HHAT: variants seen among roughly 807,000 people sequenced by gnomAD.
HHAT encodes protein-cysteine N-palmitoyltransferase HHAT.
Under a neutral mutation model 70.8 loss-of-function variants are expected in HHAT, and 47 were observed. The ratio of observed to expected loss-of-function variants is 0.66; its 90% confidence interval spans 0.53 to 0.85. The LOEUF (loss-of-function observed/expected upper bound fraction) is 0.85, where lower values mean the gene tolerates loss of function less well. Ranked by LOEUF, HHAT falls within the 40% of genes least tolerant of loss-of-function variation. The probability of loss-of-function intolerance (pLI) is 0.00; values close to 1 mark genes in which losing one functional copy is unlikely to be tolerated. For synonymous variants in HHAT, 228 were observed against 247.6 expected (o/e 0.92, Z 0.74); for missense variants, 609 against 604.8 (o/e 1.01, Z -0.07).
rs749196721 is a variant in HHAT, at chr1:210,387,504, TG to T, written c.201del (p.Lys68SerfsTer13). ...TDFEWSFWME[W>X]GKQWLVWLLL... The stretch of plus-strand genomic sequence containing the variant: ...CTTTGAGTGGAGCTTCTGGATGGAA[TG>T]GGGGAAGCAGTGGCTGGTGTGGCTT... On this transcript the variant is annotated frameshift_variant, in exon 4 of 12. Coordinates refer to ENST00000261458, the MANE Select transcript of HHAT (RefSeq NM_018194.6). LOFTEE classifies it high-confidence loss of function. The T allele has an allele frequency of 1.2e-6, 2 of 1,614,120 alleles. No homozygotes were observed. Among genetic ancestry groups the T allele is most frequent in the South Asian group, 2.2e-5 (2 of 91,076 alleles).
At chr1:210,446,102 C>T (rs997192472) in intron 7 of HHAT, among the ~76,000 whole-genome samples, 15 of 152,078 alleles carry the variant, frequency 9.9e-5, no homozygotes, top group African/African-American at 3.6e-4. Context: ...GCGCAAAGGG[C>T]GGAGCCTGTG....
intron 9 of HHAT, among the ~76,000 whole-genome samples, chr1:210,519,089 G>A (rs1018175494): frequency 2.0e-5 from 3 of 152,150 alleles, no homozygotes; most frequent in Non-Finnish European, 2.9e-5. Flanking sequence ...TAGCACCTGA[G>A]CTTGTGGAAC....
intron 2 of HHAT, among the ~76,000 whole-genome samples, chr1:210,360,366 A>G (rs565607124): frequency 6.6e-6 from 1 of 150,884 alleles, no homozygotes; most frequent in Non-Finnish European, 1.5e-5. Flanking sequence ...GCTGGAGTGC[A>G]ATGGTATGAT....
At chr1:210,593,180 T>G (rs542876764) in intron 10 of HHAT, among the ~76,000 whole-genome samples, 170 of 152,304 alleles carry the variant, frequency 1.1e-3, no homozygotes, top group Non-Finnish European at 2.2e-3. Context: ...TTTCATTGTT[T>G]CAATTTTATG....
At chr1:210,393,316 C>T (rs947642932) in intron 4 of HHAT, among the ~76,000 whole-genome samples, 2 of 152,170 alleles carry the variant, frequency 1.3e-5, no homozygotes, top group East Asian at 3.9e-4. Flanking sequence ...TTCCAAAATC[C>T]TCAAGGGCAT....
At chr1:210,445,782 C>A (rs2093622614) in intron 7 of HHAT, among the ~76,000 whole-genome samples, 1 of 152,054 alleles carries the variant, frequency 6.6e-6, no homozygotes, top group Non-Finnish European at 1.5e-5. Flanking sequence ...TCTCCTGCCA[C>A]CTGCCCCACC....
At chr1:210,516,927 G>A (rs1054802809) in intron 9 of HHAT, among the ~76,000 whole-genome samples, 20 of 152,202 alleles carry the variant, frequency 1.3e-4, no homozygotes, top group African/African-American at 4.3e-4. Context: ...ACTGAGCCAT[G>A]GGGGCAGGAA....
chr1:210,374,401 A>G (rs558314203), intron 3 of HHAT: 1 of 152,364 alleles, frequency 6.6e-6, no homozygotes, highest in Non-Finnish European at 1.5e-5. Context: ...TCCCATAGTT[A>G]GAAATGTTGA....
intron 3 of HHAT, among the ~76,000 whole-genome samples, chr1:210,363,841 G>A (rs1483499539): frequency 6.6e-6 from 1 of 152,112 alleles, no homozygotes; most frequent in Non-Finnish European, 1.5e-5. Flanking sequence ...TTTGTGGGCT[G>A]GCTTGGGACA....
chr1:210,338,267 G>A (rs903837412), intron 1 of HHAT, among the ~76,000 whole-genome samples: 2 of 152,140 alleles, frequency 1.3e-5, no homozygotes, highest in African/African-American at 4.8e-5. Flanking sequence ...TTGAGCCTGG[G>A]AAGTTGAGGC....
At chr1:210,616,270 A>G (rs1667714314) in intron 10 of HHAT, among the ~76,000 whole-genome samples, 1 of 152,228 alleles carries the variant, frequency 6.6e-6, no homozygotes, top group South Asian at 2.1e-4. Flanking sequence ...GTTGTACAAT[A>G]GATTACTTCA....
intron 8 of HHAT, among the ~76,000 whole-genome samples, chr1:210,506,974 A>T (rs534503305): frequency 1.7e-4 from 26 of 152,178 alleles, no homozygotes; most frequent in Non-Finnish European, 3.2e-4. Context: ...TTTAGGCTCT[A>T]TTCTCCCTGA....
chr1:210,491,063 TAG>T (rs1558012437), intron 8 of HHAT, among the ~76,000 whole-genome samples: 1 of 146,870 alleles, frequency 6.8e-6, no homozygotes, highest in African/African-American at 2.6e-5. Context: ...CACACACACA[TAG>T]TGTGTGTGTG....
At chr1:210,530,157 A>T (rs570053712) in intron 9 of HHAT, among the ~76,000 whole-genome samples, 1 of 152,328 alleles carries the variant, frequency 6.6e-6, no homozygotes, top group Admixed American at 6.5e-5. Flanking sequence ...CACAAAAATC[A>T]TAGGATTTAT....
intron 3 of HHAT, among the ~76,000 whole-genome samples, chr1:210,364,120 G>A (rs984982584): frequency 6.6e-6 from 1 of 152,140 alleles, no homozygotes; most frequent in Non-Finnish European, 1.5e-5. Context: ...CCCTGCATGG[G>A]GTGCCATTCT....
chr1:210,536,424 T>G (rs1434414685), intron 9 of HHAT, among the ~76,000 whole-genome samples: 1 of 152,266 alleles, frequency 6.6e-6, no homozygotes, highest in Non-Finnish European at 1.5e-5. Flanking sequence ...GGAACCCAGC[T>G]GTCTGCTGTT....
intron 7 of HHAT, among the ~76,000 whole-genome samples, chr1:210,428,308 AT>A (rs2093133403): frequency 3.0e-4 from 4 of 13,494 alleles, no homozygotes; most frequent in Admixed American, 9.2e-4. Context: ...ATATATATAT[AT>A]ATATATATAT....
At chr1:210,653,280 C>T (rs1675574558) in intron 11 of HHAT, among the ~76,000 whole-genome samples, 2 of 152,158 alleles carry the variant, frequency 1.3e-5, no homozygotes, top group African/African-American at 2.4e-5. Context: ...CAGTGGCTCA[C>T]ACCTGTAATC....
chr1:210,385,086 T>C (rs1214426139), intron 3 of HHAT, among the ~76,000 whole-genome samples: 1 of 152,144 alleles, frequency 6.6e-6, no homozygotes, highest in East Asian at 1.9e-4. Context: ...CTGGACTTTC[T>C]GGTGGAACAG....
Sources: allele counts gnomAD v4.1 joint callset (sites outside exome capture counted in the v4.1 genomes callset), GRCh38; gene constraint gnomAD v4.1.1; transcripts MANE v1.5; gene names NCBI Gene and HGNC (gene_info 2026-07-23, HGNC 2026-07-21).